The following CLEC3A variants were observed in gnomAD, a reference collection of about 807,000 sequenced individuals.
CLEC3A encodes the protein C-type (calcium dependent, carbohydrate-recognition domain) lectin, superfamily member 1 (cartilage-derived).
CLEC3A carries 28 observed loss-of-function variants against 20.4 expected under a neutral mutation model. The ratio of observed to expected loss-of-function variants is 1.37; its 90% CI spans 1.02 to 1.88. The LOEUF is 1.88. CLEC3A is among the 40% of genes most tolerant of loss of function. The pLI, the probability that CLEC3A is intolerant of heterozygous loss-of-function variation, is 0.00. For missense variants in CLEC3A, 357 were observed against 240.4 expected, an observed-to-expected ratio of 1.48 and a Z score of -3.21; for synonymous variants, 110 against 88.1, an observed-to-expected ratio of 1.25 and a Z score of -1.39.
In CLEC3A at chr16:78,028,148, A is replaced by T. The variant is rs753001260; in HGVS notation, c.157A>T (p.Thr53Ser). ...GAAGACTCAAATTGAAAAGCTCTGG[A>T]CAGAAGTCAATGCCTTGAAGGAAAT... is the stretch of plus-strand genomic sequence containing the variant. ...DLKTQIEKLW[T>S]EVNALKEIQA... Residue 53 changes from threonine (T) to serine (S), a missense_variant, in exon 2 of 3, where the codon ACA becomes TCA. By Grantham distance (58) the Thr-to-Ser change is moderately conservative. Transcript: ENST00000299642. 6.2e-7 allele frequency: 1 copy of T among 1,611,822 alleles called. No homozygotes were observed. The highest frequency in any genetic ancestry group is 8.5e-7 in the Non-Finnish European group (1 of 1,179,492).
At chr16:78,027,018 C>A (rs1315122924) in intron 1 of CLEC3A, among the ~76,000 whole-genome samples, 1 of 152,210 alleles carries the variant, frequency 6.6e-6, no homozygotes, top group Non-Finnish European at 1.5e-5. Context: ...TCTTTTGAGA[C>A]ACTCTCATTG....
At position 78,028,013 on chromosome 16, in the gene CLEC3A, C is replaced by A. The variant is rs1181020459; in HGVS notation, c.116-94C>A. On this transcript the variant is annotated intron_variant, in intron 1 of 2. Transcript: ENST00000299642. ...ACTGGGCTCAGGTTCACCAAAACCACTATTGCCTTGGGTCCTACATTCCAA... is the reference window on the plus strand; with the variant it reads ...ACTGGGCTCAGGTTCACCAAAACCAATATTGCCTTGGGTCCTACATTCCAA... 4.6e-6 allele frequency: 4 copies of A among 866,874 alleles called. No individual in the cohort carries two copies. In the African/African-American group the frequency reaches 5.2e-5, roughly 11 times the overall value. The allele number at this position is 866,874 out of a possible 1,614,324, so 53.7% of individuals were successfully genotyped here.
In CLEC3A at chr16:78,031,101, C is replaced by G. The variant is rs2030089976; in HGVS notation, c.*260C>G. On this transcript the variant is annotated 3_prime_UTR_variant, in exon 3 of 3. Transcript: ENST00000299642. ...TTCTGCTAAACAGACTAAAATCTTT[C>G]TCTCTAGTCTTTCTCACTTGTACAA... 2 of 351,474 alleles carry G rather than the reference C, an allele frequency of 5.7e-6. No individual in the cohort carries two copies. Among genetic ancestry groups the G allele is most frequent in the South Asian group, 6.9e-5 (1 of 14,492 alleles). The allele number at this position is 351,474 out of a possible 1,614,324, so 21.8% of individuals were successfully genotyped here. A position where few individuals can be genotyped will look rare whatever the true frequency, so the allele number is the denominator to read the frequency against.
intron 1 of CLEC3A, among the ~76,000 whole-genome samples, chr16:78,023,450 G>T (rs2018774743): frequency 2.0e-5 from 3 of 152,004 alleles, no homozygotes; most frequent in Admixed American, 2.0e-4. Flanking sequence ...AAATTGAAAA[G>T]AACAATGATG....
intron 2 of CLEC3A, 139 bp downstream of exon 2, chr16:78,028,329 T>C (rs1597152926): frequency 6.9e-6 from 4 of 579,446 alleles, no homozygotes; most frequent in Non-Finnish European, 1.2e-5. Flanking sequence ...TGCCGGGAGA[T>C]GATTGTTTTA....
At chr16:78,028,251 T>C in intron 2 of CLEC3A, 61 bp downstream of exon 2, 2 of 1,236,948 alleles carry the variant, frequency 1.6e-6, no homozygotes, top group Non-Finnish European at 2.3e-6. Context: ...TCTGGGTCAA[T>C]TTCTGGGGGA....
chr16:78,029,033 T>C (rs113700314), intron 2 of CLEC3A: 14,875 of 437,952 alleles, frequency 0.034, 333 homozygotes, highest in Middle Eastern at 0.07. Context: ...TGGTTCATCC[T>C]TTACCCACAG....
intron 1 of CLEC3A, among the ~76,000 whole-genome samples, chr16:78,024,307 A>T (rs1416138198): frequency 1.3e-5 from 2 of 152,102 alleles, no homozygotes; most frequent in Non-Finnish European, 2.9e-5. Context: ...GGGTCTGAAC[A>T]TGACTGAGTG....
chr16:78,030,532 C>G lies in CLEC3A; in HGVS notation c.285C>G (p.Cys95Trp). 6.2e-7 allele frequency: 1 copy of G among 1,614,150 alleles called. No individual in the cohort carries two copies. Among genetic ancestry groups the G allele is most frequent in the East Asian group, 2.2e-5 (1 of 44,866 alleles). ...LKHFHEANED[C>W]ISKGGILVIP... ...ATTTCCATGAGGCCAATGAAGACTGCATTTCCAAAGGAGGAATCCTGGTTA... is the reference window on the plus strand; with the variant it reads ...ATTTCCATGAGGCCAATGAAGACTGGATTTCCAAAGGAGGAATCCTGGTTA... Residue 95 changes from cysteine (C) to tryptophan (W), a missense_variant, in exon 3 of 3, where the codon TGC (cysteine) becomes TGG (tryptophan). Cys to Trp is a radical substitution (Grantham distance 215, BLOSUM62 -2). Transcript: ENST00000299642.
At position 78,031,034 on chromosome 16, in the gene CLEC3A, G is replaced by A. The variant is rs929876140; in HGVS notation, c.*193G>A. ...GGATTTTGCCCTTCCTGGGGTATAG[G>A]GGATCAGAAATATTGATCCATGTGC... On this transcript the variant is annotated 3_prime_UTR_variant, in exon 3 of 3. Coordinates refer to ENST00000299642, the MANE Select transcript of CLEC3A (RefSeq NM_005752.6). 2 of 588,226 alleles carry A rather than the reference G, an allele frequency of 3.4e-6. No individual in the cohort carries two copies. Among genetic ancestry groups the A allele is most frequent in the Non-Finnish European group, 5.8e-6 (2 of 345,952 alleles). The allele number at this position is 588,226 out of a possible 1,614,324, so 36.4% of individuals were successfully genotyped here.
At position 78,030,818 on chromosome 16, in the gene CLEC3A, T is replaced by C. The variant is rs933699391; in HGVS notation, c.571T>C (p.Cys191Arg). 7.4e-6 allele frequency: 12 copies of C among 1,613,352 alleles called. No homozygotes were observed. The highest frequency in any genetic ancestry group is 1.0e-5 in the Non-Finnish European group (12 of 1,179,624). Residue 191 changes from cysteine to arginine, a missense_variant, in exon 3 of 3, where the codon TGC becomes CGC. Transcript: ENST00000299642. ...CTGTCGCAGCAGCAAGAGATACATA[T>C]GCGAGTTCACCATCCCTCAATAGGT... Reference protein sequence around the residue: ...EACRSSKRYICEFTIPQ With the variant: ...EACRSSKRYIREFTIPQ
At chr16:78,027,709 G>A (rs2029968114) in intron 1 of CLEC3A, among the ~76,000 whole-genome samples, 1 of 151,976 alleles carries the variant, frequency 6.6e-6, no homozygotes, top group Admixed American at 6.6e-5. Context: ...AGGCTGGAGT[G>A]CAGTGGAATG....
chr16:78,026,002 G>C (rs1383523195), intron 1 of CLEC3A, among the ~76,000 whole-genome samples: 4 of 152,192 alleles, frequency 2.6e-5, no homozygotes, highest in Non-Finnish European at 5.9e-5. Context: ...TTATACCTTG[G>C]AAGAAAGTGT....
At chr16:78,026,414 T>A (rs751125115) in intron 1 of CLEC3A, among the ~76,000 whole-genome samples, 30 of 152,168 alleles carry the variant, frequency 2.0e-4, no homozygotes, top group African/African-American at 7.2e-4. Flanking sequence ...TCTGGGGCCA[T>A]GTGCTCGGGA....
intron 1 of CLEC3A, among the ~76,000 whole-genome samples, chr16:78,025,742 C>T (rs2029895008): frequency 6.6e-6 from 1 of 152,204 alleles, no homozygotes; most frequent in African/African-American, 2.4e-5. Context: ...TTTTCCAGCT[C>T]AGTAGTTGTT....
rs1184535475 is a variant in CLEC3A at position 78,030,911 on chromosome 16, T to G, written c.*70T>G. 6.8e-7 allele frequency: 1 copy of G among 1,462,154 alleles called. No homozygotes were observed. Among genetic ancestry groups the G allele is most frequent in the Non-Finnish European group, 9.2e-7 (1 of 1,090,818 alleles). The allele number at this position is 1,462,154 out of a possible 1,614,324, so 90.6% of individuals were successfully genotyped here. On this transcript the variant is annotated 3_prime_UTR_variant, in exon 3 of 3. Coordinates refer to ENST00000299642, the MANE Select transcript of CLEC3A (RefSeq NM_005752.6). Reference sequence around the variant, plus strand: ...TAGGTTCATGATCTCTAAGATCAAGTAAAAATCATAATTTTTACTTATTAA... The same window carrying G: ...TAGGTTCATGATCTCTAAGATCAAGGAAAAATCATAATTTTTACTTATTAA...
At chr16:78,024,701 A>G (rs1363283766) in intron 1 of CLEC3A, among the ~76,000 whole-genome samples, 1 of 152,318 alleles carries the variant, frequency 6.6e-6, no homozygotes, top group East Asian at 1.9e-4. Context: ...ACCTTGAAAT[A>G]TAATAATACC....
rs931544419 is a variant in CLEC3A, at chr16:78,031,927, G to T, written c.*1086G>T. On this transcript the variant is annotated 3_prime_UTR_variant, in exon 3 of 3. Coordinates refer to ENST00000299642, the MANE Select transcript of CLEC3A (RefSeq NM_005752.6). ...CAAAGTTTAGACTTGGAGGGAAATGGGCTTTTTAGAAGCAAACAATTTTAA... is the reference window on the plus strand; with the variant it reads ...CAAAGTTTAGACTTGGAGGGAAATGTGCTTTTTAGAAGCAAACAATTTTAA... The T allele has an allele frequency of 6.6e-6, 1 of 152,380 alleles. No individual in the cohort carries two copies. Among genetic ancestry groups the T allele is most frequent in the Non-Finnish European group, 1.5e-5 (1 of 67,988 alleles). The allele number at this position is 152,380 out of a possible 1,614,324, so 9.4% of individuals were successfully genotyped here.
Position 78,023,461 on chromosome 16 carries a change from A to C in CLEC3A, c.115+720A>C, listed in dbSNP as rs112873410. On this transcript the variant is annotated intron_variant, in intron 1 of 2. Transcript: ENST00000299642. Reference sequence around the variant, plus strand: ...AAAGAAATTGAAAAGAACAATGATGATAGCGAGGTGTTTGCAATACGTTGA... The same window carrying C: ...AAAGAAATTGAAAAGAACAATGATGCTAGCGAGGTGTTTGCAATACGTTGA... 1.5e-3 allele frequency among the ~76,000 whole-genome samples: 226 copies of C among 152,320 alleles called. 1 individual carries two copies. The South Asian group carries it at 0.032, about 22-fold the overall frequency.
Sources: allele counts gnomAD v4.1 joint callset (sites outside exome capture counted in the v4.1 genomes callset), GRCh38; gene constraint gnomAD v4.1.1; transcripts MANE v1.5; gene names NCBI Gene and HGNC (gene_info 2026-07-23, HGNC 2026-07-21).